The following ARHGAP42 variants were observed in gnomAD, a reference collection of about 807,000 sequenced individuals.
The protein encoded by ARHGAP42 is Rho GTPase activating protein 42.
In ARHGAP42, 63 loss-of-function variants were observed where a neutral mutation model predicts 125.0. That is an observed-to-expected ratio of 0.50 (90% confidence interval 0.41 to 0.62). The LOEUF (loss-of-function observed/expected upper bound fraction) is 0.62, where lower values mean the gene tolerates loss of function less well. Among genes scored for constraint, ARHGAP42 ranks in the 20% least tolerant of loss-of-function variants. ARHGAP42 has a pLI of 0.00. For synonymous variants in ARHGAP42, 339 were observed against 351.0 expected (o/e 0.97, Z 0.38); for missense variants, 766 against 1,024.2 (o/e 0.75, Z 3.44).
chr11:100,814,134 A>G (rs1373533700), intron 3 of ARHGAP42, among the ~76,000 whole-genome samples: 4 of 152,282 alleles, frequency 2.6e-5, no homozygotes, highest in South Asian at 2.1e-4. Context: ...CAGAGGTTAC[A>G]GTGAGCAGAG....
chr11:100,899,138 G>A (rs528240438), intron 4 of ARHGAP42, among the ~76,000 whole-genome samples: 162 of 152,286 alleles, frequency 1.1e-3, no homozygotes, highest in Non-Finnish European at 1.8e-3. Flanking sequence ...CTGTTTCCAC[G>A]TAGTTGTGCA....
chr11:100,922,302 T>C (rs1867298805), intron 6 of ARHGAP42, among the ~76,000 whole-genome samples: 1 of 152,166 alleles, frequency 6.6e-6, no homozygotes, highest in South Asian at 2.1e-4. Flanking sequence ...GTGTAAAATG[T>C]AATGGATTTC....
Position 100,974,576 on chromosome 11 carries a change from T to C in ARHGAP42, c.1828T>C (p.Tyr610His). 2 of 1,550,870 alleles carry C rather than the reference T, an allele frequency of 1.3e-6. No individual in the cohort carries two copies. Among genetic ancestry groups the C allele is most frequent in the Non-Finnish European group, 1.7e-6 (2 of 1,146,510 alleles). ...STGSRKPRGR[Y>H]TPCLAEPDSD... ...AGGGTCTAGGAAGCCCAGAGGGAGGTATACTCCATGCCTGGCCGAACCTGA... is the reference window on the plus strand; with the variant it reads ...AGGGTCTAGGAAGCCCAGAGGGAGGCATACTCCATGCCTGGCCGAACCTGA... Residue 610 changes from tyrosine to histidine, a missense_variant, in exon 19 of 24, where the codon TAT becomes CAT. Tyr to His is a moderately conservative substitution (Grantham distance 83). This residue lies in a region of ARHGAP42 where 308 missense variants were observed against 369.7 expected (regional missense o/e 0.83). Coordinates refer to ENST00000298815, the MANE Select transcript of ARHGAP42 (RefSeq NM_152432.4).
intron 1 of ARHGAP42, among the ~76,000 whole-genome samples, chr11:100,698,400 G>A (rs1490418532): frequency 6.6e-6 from 1 of 152,210 alleles, no homozygotes; most frequent in East Asian, 1.9e-4. Context: ...GAGCCCAGGA[G>A]GTCCGCGCTG....
chr11:100,786,537 G>A (rs1169648416), intron 2 of ARHGAP42, among the ~76,000 whole-genome samples: 1 of 152,050 alleles, frequency 6.6e-6, no homozygotes. Flanking sequence ...TATAAGCCTA[G>A]TATACATATA....
intron 6 of ARHGAP42, among the ~76,000 whole-genome samples, chr11:100,922,136 T>C (rs1475986014): frequency 1.3e-5 from 2 of 152,192 alleles, no homozygotes; most frequent in Non-Finnish European, 2.9e-5. Context: ...TATAGATGAA[T>C]GAATACACTT....
chr11:100,913,166 A>G (rs1320380930), intron 4 of ARHGAP42, among the ~76,000 whole-genome samples: 1 of 152,034 alleles, frequency 6.6e-6, no homozygotes, highest in Non-Finnish European at 1.5e-5. Context: ...CCTGGCCCCT[A>G]CCCATACTAC....
intron 20 of ARHGAP42, 116 bp downstream of exon 20, chr11:100,976,553 C>A: frequency 7.3e-7 from 1 of 1,377,056 alleles, no homozygotes; most frequent in African/African-American, 1.5e-5. Flanking sequence ...TGATGCTTAT[C>A]TACTTTTTTC....
At chr11:100,727,866 G>C (rs1861887989) in intron 1 of ARHGAP42, among the ~76,000 whole-genome samples, 1 of 152,170 alleles carries the variant, frequency 6.6e-6, no homozygotes, top group Admixed American at 6.5e-5. Context: ...GGGAACCTCT[G>C]ATTTGTAGCC....
intron 1 of ARHGAP42, among the ~76,000 whole-genome samples, chr11:100,757,928 T>C (rs1035314249): frequency 6.6e-6 from 1 of 152,192 alleles, no homozygotes; most frequent in Admixed American, 6.5e-5. Flanking sequence ...ATGTATTCTT[T>C]CAGTTACCAT....
At chr11:100,891,311 A>G (rs1319887185) in intron 4 of ARHGAP42, among the ~76,000 whole-genome samples, 2 of 152,046 alleles carry the variant, frequency 1.3e-5, no homozygotes, top group Admixed American at 6.5e-5. Context: ...TCCTGTTTTC[A>G]TATAGTCTTC....
At chr11:100,979,860 T>A (rs966604828) in intron 22 of ARHGAP42, among the ~76,000 whole-genome samples, 1 of 152,226 alleles carries the variant, frequency 6.6e-6, no homozygotes, top group East Asian at 1.9e-4. Context: ...TAATTGAGGC[T>A]GTGAAGGAAA....
At chr11:100,922,221 C>G (rs1006493162) in intron 6 of ARHGAP42, among the ~76,000 whole-genome samples, 3 of 152,158 alleles carry the variant, frequency 2.0e-5, no homozygotes, top group African/African-American at 7.2e-5. Flanking sequence ...CCCCTTTGTT[C>G]TGTGCTCCCC....
At chr11:100,957,290 T>C (rs1206086678) in intron 12 of ARHGAP42, among the ~76,000 whole-genome samples, 1 of 152,020 alleles carries the variant, frequency 6.6e-6, no homozygotes, top group Non-Finnish European at 1.5e-5. Context: ...AGCAGTGATG[T>C]GTAGACAGGA....
chr11:100,820,640 C>T (rs779304302), intron 3 of ARHGAP42, among the ~76,000 whole-genome samples: 21 of 152,000 alleles, frequency 1.4e-4, no homozygotes, highest in Non-Finnish European at 2.1e-4. Context: ...TTATTTTAAT[C>T]GCTCCATGCT....
chr11:100,799,000 A>G (rs557071492), intron 3 of ARHGAP42, among the ~76,000 whole-genome samples: 12 of 152,230 alleles, frequency 7.9e-5, no homozygotes, highest in Non-Finnish European at 4.4e-5. Context: ...ACAGTTCTGT[A>G]TAAGTTGTGG....
At chr11:100,931,552 CTGA>C (rs1867582970) in intron 6 of ARHGAP42, among the ~76,000 whole-genome samples, 1 of 152,090 alleles carries the variant, frequency 6.6e-6, no homozygotes, top group Non-Finnish European at 1.5e-5. Flanking sequence ...AACTTTTATA[CTGA>C]TGATGATTTC....
chr11:100,935,593 T>G (rs1046876977), intron 7 of ARHGAP42, among the ~76,000 whole-genome samples: 2 of 152,018 alleles, frequency 1.3e-5, no homozygotes, highest in Non-Finnish European at 2.9e-5. Flanking sequence ...CATCCTATAT[T>G]TTTTTAATTG....
intron 5 of ARHGAP42, among the ~76,000 whole-genome samples, chr11:100,920,103 CTT>C (rs1478187141): frequency 6.6e-6 from 1 of 152,156 alleles, no homozygotes; most frequent in East Asian, 1.9e-4. Flanking sequence ...GCACCTCTAT[CTT>C]TCATAAATGA....
Sources: gnomAD v4.1 joint callset for allele counts (sites outside exome capture counted in the v4.1 genomes callset) on GRCh38, gnomAD v4.1.1 for gene constraint, gnomAD v4.1.1 regional missense constraint, MANE v1.5 for transcripts, NCBI Gene and HGNC (gene_info 2026-07-23, HGNC 2026-07-21) for gene names.